ZFAT: variants seen among roughly 807,000 people sequenced by gnomAD.
The protein encoded by ZFAT is zinc finger protein ZFAT.
A neutral mutation model predicts 117.7 loss-of-function variants in ZFAT; 64 were observed. The observed-to-expected ratio is 0.54, with a 90% CI of 0.44 to 0.67. The LOEUF is 0.67. Ranked by LOEUF, ZFAT falls within the 30% of genes least tolerant of loss-of-function variation. ZFAT has a pLI of 0.00. For synonymous variants in ZFAT, 679 were observed against 615.0 expected, an observed-to-expected ratio of 1.10 and a Z score of -1.54; for missense variants, 1,433 against 1,584.5, an observed-to-expected ratio of 0.90 and a Z score of 1.62.
intron 2 of ZFAT, among the ~76,000 whole-genome samples, chr8:134,639,465 G>C (rs1830459832): frequency 6.6e-6 from 1 of 152,126 alleles, no homozygotes; most frequent in Non-Finnish European, 1.5e-5. Flanking sequence ...GTGGGCAGGG[G>C]AGCACAAAGA....
At chr8:134,697,888 C>T (rs1352302369) in intron 1 of ZFAT, among the ~76,000 whole-genome samples, 2 of 150,314 alleles carry the variant, frequency 1.3e-5, no homozygotes, top group Non-Finnish European at 3.0e-5. Flanking sequence ...GCCAGTACAA[C>T]AATATTTAAC....
intron 11 of ZFAT, among the ~76,000 whole-genome samples, chr8:134,535,782 T>G (rs1821791896): frequency 6.6e-6 from 1 of 152,090 alleles, no homozygotes; most frequent in African/African-American, 2.4e-5. Context: ...TTCTAATATA[T>G]GATTACTGCA....
upstream of ZFAT, among the ~76,000 whole-genome samples, chr8:134,714,118 CCCAA>C (rs1563782692): frequency 7.5e-6 from 1 of 134,164 alleles, no homozygotes; most frequent in Admixed American, 7.3e-5. Context: ...CCCCCCCCCC[CCCAA>C]AAAAAAAAAG....
chr8:134,701,979 T>A (rs1563774933), intron 1 of ZFAT, among the ~76,000 whole-genome samples: 1 of 152,224 alleles, frequency 6.6e-6, no homozygotes, highest in African/African-American at 2.4e-5. Context: ...AAAGAGTTAA[T>A]GGATTAATGG....
At position 134,622,206 on chromosome 8, in the gene ZFAT, G is replaced by A. The variant is rs530698907; in HGVS notation, c.449-11551C>T. 4.6e-5 allele frequency among the ~76,000 whole-genome samples: 7 copies of A among 152,336 alleles called. No individual in the cohort carries two copies. In the East Asian group the frequency reaches 1.3e-3, roughly 29 times the overall value. On this transcript the variant is annotated intron_variant, in intron 3 of 15. Transcript: ENST00000377838. Reference sequence around the variant, plus strand: ...TTTGTATTAATCATGAGCTGCGACAGAGCCCCTTTCTCCCCCTACCACCTA... The same window carrying A: ...TTTGTATTAATCATGAGCTGCGACAAAGCCCCTTTCTCCCCCTACCACCTA...
Position 134,601,513 on chromosome 8 carries a change from G to A in ZFAT, c.2206C>T (p.Arg736Trp), listed in dbSNP as rs754427782. The A allele has an allele frequency of 5.6e-6, 9 of 1,613,924 alleles. No homozygotes were observed. The highest frequency in any genetic ancestry group is 1.7e-4 in the Middle Eastern group (1 of 6,056). Residue 736 changes from arginine to tryptophan, a missense_variant, in exon 6 of 16, where the codon CGG becomes TGG. Physicochemically the swap from Arg to Trp is moderately radical, Grantham distance 101 (BLOSUM62 -3). Around this residue, in one of 5 missense-constraint regions of ZFAT, gnomAD observed 372 missense variants for 355.6 expected, o/e 1.05. Coordinates refer to ENST00000377838, the MANE Select transcript of ZFAT (RefSeq NM_020863.4). The part of the protein sequence containing the change: ...QMNTSLCERI[R>W]KVYGDLECEY... ...CACTCCAGGTCTCCATAAACCTTCC[G>A]GATCCGCTCACACAAGCTGGTGTTC...
chr8:134,689,208 C>T lies in ZFAT; in HGVS notation c.19+23637G>A, dbSNP rs138161198. Reference sequence around the variant, plus strand: ...AGTTACTGCCTTGCCATGGCAATGCCGGAAGTTACCACCCACTTTCTAGCT... The same window carrying T: ...AGTTACTGCCTTGCCATGGCAATGCTGGAAGTTACCACCCACTTTCTAGCT... On this transcript the variant is annotated intron_variant, in intron 1 of 15. Transcript: ENST00000377838. Among the ~76,000 whole-genome samples the T allele has an allele frequency of 4.8e-3, 730 of 152,278 alleles. 7 individuals are homozygous for T. Among genetic ancestry groups the T allele is most frequent in the African/African-American group, 0.016 (680 of 41,562 alleles).
intron 15 of ZFAT, among the ~76,000 whole-genome samples, chr8:134,483,056 G>C (rs929742124): frequency 2.6e-5 from 4 of 152,206 alleles, no homozygotes; most frequent in Admixed American, 2.6e-4. Context: ...GGGGTTCATA[G>C]GGCTTTCTGC....
At chr8:134,678,383 A>G (rs192549121) in intron 1 of ZFAT, among the ~76,000 whole-genome samples, 3 of 152,304 alleles carry the variant, frequency 2.0e-5, no homozygotes, top group South Asian at 4.1e-4. Flanking sequence ...TACAACTTAC[A>G]AGGGATGTGA....
chr8:134,792,623 T>C, the ZFAT span: 1 of 152,318 alleles, frequency 6.6e-6, no homozygotes. Flanking sequence ...CCAAGACATA[T>C]TTGAGTGTCT....
the ZFAT span, among the ~76,000 whole-genome samples, chr8:134,752,145 T>C: frequency 6.6e-6 from 1 of 152,196 alleles, no homozygotes; most frequent in African/African-American, 2.4e-5. Flanking sequence ...CCTTCATCAC[T>C]GCTCACCTTT....
At chr8:134,682,891 G>A (rs1833139041) in intron 1 of ZFAT, among the ~76,000 whole-genome samples, 1 of 152,144 alleles carries the variant, frequency 6.6e-6, no homozygotes, top group African/African-American at 2.4e-5. Context: ...CTACTTTCAA[G>A]GGAGAGGAGA....
At chr8:134,591,031 G>A (rs756007049) in intron 7 of ZFAT, among the ~76,000 whole-genome samples, 2 of 152,202 alleles carry the variant, frequency 1.3e-5, no homozygotes, top group South Asian at 2.1e-4. Context: ...GCTTAGAGGG[G>A]AGAGTTCTGT....
intron 10 of ZFAT, among the ~76,000 whole-genome samples, chr8:134,580,672 A>G (rs181048501): frequency 3.9e-5 from 6 of 152,376 alleles, no homozygotes; most frequent in Non-Finnish European, 7.3e-5. Flanking sequence ...GACACAGACC[A>G]AAATCTCAGA....
chr8:134,570,033 T>G (rs999421684), intron 10 of ZFAT, among the ~76,000 whole-genome samples: 1 of 151,930 alleles, frequency 6.6e-6, no homozygotes, highest in African/African-American at 2.4e-5. Flanking sequence ...GGCACAGGGG[T>G]GTATGACTCC....
In ZFAT at chr8:134,532,529, G is replaced by A. The variant is rs575419171; in HGVS notation, c.3115+305C>T. 5.9e-5 allele frequency among the ~76,000 whole-genome samples: 9 copies of A among 152,292 alleles called. No homozygotes were observed. The East Asian group carries it at 7.7e-4, about 13-fold the overall frequency. On this transcript the variant is annotated intron_variant, in intron 12 of 15. Coordinates refer to ENST00000377838, the MANE Select transcript of ZFAT (RefSeq NM_020863.4). ...TTTCATCTCTGCGAACTTTACGCAC[G>A]GACAAAGAATGGAAGGCAATGCTGA...
chr8:134,697,254 C>T (rs1263812119), intron 1 of ZFAT, among the ~76,000 whole-genome samples: 2 of 152,104 alleles, frequency 1.3e-5, no homozygotes, highest in Non-Finnish European at 2.9e-5. Context: ...CCTGGGATTA[C>T]GGGCACCCGC....
At chr8:134,761,761 A>C in the ZFAT span, among the ~76,000 whole-genome samples, 8 of 152,160 alleles carry the variant, frequency 5.3e-5, no homozygotes, top group South Asian at 4.1e-4. Context: ...ATTTTTCAAC[A>C]ATAAGTCACA....
At chr8:134,548,063 T>C (rs1268517634) in intron 11 of ZFAT, among the ~76,000 whole-genome samples, 6 of 152,332 alleles carry the variant, frequency 3.9e-5, no homozygotes, top group Non-Finnish European at 7.4e-5. Flanking sequence ...TCCAAGCCCT[T>C]GAAGGAGCTC....
Sources: allele counts gnomAD v4.1 joint callset (sites outside exome capture counted in the v4.1 genomes callset), GRCh38; gene constraint gnomAD v4.1.1; regional missense constraint gnomAD v4.1.1; transcripts MANE v1.5; gene names NCBI Gene and HGNC (gene_info 2026-07-23, HGNC 2026-07-21).